The following ZNF385B variants were observed in gnomAD, a reference collection of about 807,000 sequenced individuals.
The protein encoded by ZNF385B is zinc finger protein 533.
A neutral mutation model predicts 39.2 loss-of-function variants in ZNF385B; 23 were observed. That is an observed-to-expected ratio of 0.59 (90% CI 0.42 to 0.83). The LOEUF (loss-of-function observed/expected upper bound fraction) is 0.83. ZNF385B is among the 40% of genes least tolerant of loss of function. ZNF385B has a pLI of 0.00. For missense variants in ZNF385B, 552 were observed against 598.9 expected (o/e 0.92, Z 0.82); for synonymous variants, 205 against 222.6 (o/e 0.92, Z 0.70).
intron 1 of ZNF385B, among the ~76,000 whole-genome samples, chr2:179,832,245 C>T (rs1708026493): frequency 6.6e-6 from 1 of 152,178 alleles, no homozygotes; most frequent in African/African-American, 2.4e-5. Flanking sequence ...CACTAGGCAT[C>T]CATTCCAGGA....
At position 179,817,551 on chromosome 2, in the gene ZNF385B, C is replaced by A. The variant is rs1217824024; in HGVS notation, c.-155+43550G>T. On this transcript the variant is annotated intron_variant, in intron 1 of 9. Transcript: ENST00000410066. Reference sequence around the variant, plus strand: ...AGTCACCCACCTCTAAGTTAAAGATCAAGAGAATGTAAATCAAAGGCAGAA... The same window carrying A: ...AGTCACCCACCTCTAAGTTAAAGATAAAGAGAATGTAAATCAAAGGCAGAA... 2.6e-5 allele frequency among the ~76,000 whole-genome samples: 4 copies of A among 152,014 alleles called. No individual in the cohort carries two copies. In the South Asian group the frequency reaches 6.2e-4, roughly 24 times the overall value.
chr2:179,663,747 A>G (rs933725993), intron 3 of ZNF385B, among the ~76,000 whole-genome samples: 18 of 150,544 alleles, frequency 1.2e-4, no homozygotes, highest in African/African-American at 4.4e-4. Flanking sequence ...AATCTCATGA[A>G]AGAATCTCTC....
chr2:179,828,279 G>T (rs77174933), intron 1 of ZNF385B, among the ~76,000 whole-genome samples: 5,231 of 152,158 alleles, frequency 0.034, 120 homozygotes, highest in African/African-American at 0.069. Context: ...GTGAGATAAT[G>T]ATATGTGGGA....
intron 3 of ZNF385B, among the ~76,000 whole-genome samples, chr2:179,638,655 G>C (rs1428577133): frequency 6.6e-6 from 1 of 152,040 alleles, no homozygotes; most frequent in South Asian, 2.1e-4. Flanking sequence ...TCCACTGAGA[G>C]GACCTAGAAG....
intron 6 of ZNF385B, among the ~76,000 whole-genome samples, chr2:179,456,453 G>A (rs1264685894): frequency 1.3e-5 from 2 of 152,008 alleles, no homozygotes; most frequent in African/African-American, 4.8e-5. Flanking sequence ...GAAGAATATT[G>A]TTTTGTAAGA....
At chr2:179,860,328 A>C (rs1684939773) in intron 1 of ZNF385B, among the ~76,000 whole-genome samples, 1 of 152,098 alleles carries the variant, frequency 6.6e-6, no homozygotes, top group African/African-American at 2.4e-5. Context: ...AGCACTCCCT[A>C]TCCAGGTTCA....
chr2:179,590,936 T>C (rs1483291894), intron 3 of ZNF385B, among the ~76,000 whole-genome samples: 3 of 152,176 alleles, frequency 2.0e-5, no homozygotes, highest in Admixed American at 2.0e-4. Context: ...AGTATCTTTA[T>C]AGCAGTATGA....
intron 5 of ZNF385B, among the ~76,000 whole-genome samples, chr2:179,492,067 A>T (rs910500125): frequency 1.4e-4 from 21 of 152,152 alleles, no homozygotes; most frequent in African/African-American, 3.9e-4. Context: ...TTATTTTATG[A>T]TTTTCCCAAA....
intron 1 of ZNF385B, among the ~76,000 whole-genome samples, chr2:179,808,165 T>TG (rs1706503555): frequency 1.3e-5 from 2 of 151,828 alleles, no homozygotes; most frequent in Admixed American, 1.3e-4. Context: ...CCCCAGCAGC[T>TG]GGGACTACAG....
chr2:179,638,044 A>G (rs1393373456), intron 3 of ZNF385B, among the ~76,000 whole-genome samples: 4 of 152,218 alleles, frequency 2.6e-5, no homozygotes, highest in African/African-American at 7.2e-5. Flanking sequence ...AACAGATTAA[A>G]TCAACAACGT....
At chr2:179,576,466 G>A (rs1189099501) in intron 3 of ZNF385B, among the ~76,000 whole-genome samples, 1 of 152,142 alleles carries the variant, frequency 6.6e-6, no homozygotes, top group East Asian at 1.9e-4. Context: ...CACTAACATG[G>A]CCTACATGGT....
rs137941216 is a variant in ZNF385B, at chr2:179,706,874, G to C, written c.298+62629C>G. Among the ~76,000 whole-genome samples the C allele has an allele frequency of 2.2e-3, 342 of 152,290 alleles. 1 individual carries two copies. Among genetic ancestry groups the C allele is most frequent in the African/African-American group, 7.8e-3 (323 of 41,568 alleles). ...CAGAGACCTTGCTGTCTCACCTATGGACACGGGATGACAAAATGGAGACCC... is the reference window on the plus strand; with the variant it reads ...CAGAGACCTTGCTGTCTCACCTATGCACACGGGATGACAAAATGGAGACCC... On this transcript the variant is annotated intron_variant, in intron 3 of 9. Coordinates refer to ENST00000410066, the MANE Select transcript of ZNF385B (RefSeq NM_152520.6).
chr2:179,701,922 ACTGT>A (rs761980759), intron 3 of ZNF385B, among the ~76,000 whole-genome samples: 5 of 152,210 alleles, frequency 3.3e-5, no homozygotes, highest in African/African-American at 9.6e-5. Flanking sequence ...CCAAGTATAA[ACTGT>A]CTGTTCCATC....
chr2:179,662,148 T>C (rs1694558714), intron 3 of ZNF385B, among the ~76,000 whole-genome samples: 2 of 152,190 alleles, frequency 1.3e-5, no homozygotes, highest in Non-Finnish European at 2.9e-5. Flanking sequence ...AGCAATCCAT[T>C]GCATGAAAGG....
At chr2:179,482,124 C>T (rs2054070345) in intron 6 of ZNF385B, among the ~76,000 whole-genome samples, 2 of 152,126 alleles carry the variant, frequency 1.3e-5, no homozygotes, top group African/African-American at 4.8e-5. Context: ...CTTTTGGAGC[C>T]AGCATCTACA....
At chr2:179,493,537 G>GTATACATATGTGTGTACATATATGCA (rs1559334304) in intron 5 of ZNF385B, among the ~76,000 whole-genome samples, 8 of 150,436 alleles carry the variant, frequency 5.3e-5, no homozygotes, top group Non-Finnish European at 1.2e-4. Flanking sequence ...ACATATATGC[G>GTATACATATGTGTGTACATATATGCA]TATACATACG....
At chr2:179,705,038 C>T (rs1699484700) in intron 3 of ZNF385B, among the ~76,000 whole-genome samples, 1 of 152,106 alleles carries the variant, frequency 6.6e-6, no homozygotes, top group African/African-American at 2.4e-5. Flanking sequence ...GGCCTAAACC[C>T]ATGGAAGGTA....
intron 3 of ZNF385B, among the ~76,000 whole-genome samples, chr2:179,686,881 G>C (rs1697962759): frequency 6.6e-6 from 1 of 151,568 alleles, no homozygotes; most frequent in Non-Finnish European, 1.5e-5. Flanking sequence ...GTTCATCTGT[G>C]GGCTCCTGAG....
At chr2:179,797,131 A>G (rs1705715074) in intron 1 of ZNF385B, among the ~76,000 whole-genome samples, 1 of 152,166 alleles carries the variant, frequency 6.6e-6, no homozygotes, top group African/African-American at 2.4e-5. Flanking sequence ...ACTTTTCTCC[A>G]TAATACAACC....
Sources: allele counts gnomAD v4.1 joint callset (sites outside exome capture counted in the v4.1 genomes callset), GRCh38; gene constraint gnomAD v4.1.1; transcripts MANE v1.5; gene names NCBI Gene and HGNC (gene_info 2026-07-23, HGNC 2026-07-21).